The following RANBP2 variants were observed in gnomAD, a reference collection of about 807,000 sequenced individuals.
The protein encoded by RANBP2 is E3 SUMO-protein ligase RanBP2.
In RANBP2, 57 loss-of-function variants were observed where a neutral mutation model predicts 303.6. The observed-to-expected ratio is 0.19, with a 90% CI of 0.15 to 0.23. The LOEUF (loss-of-function observed/expected upper bound fraction) is 0.23. Among genes scored for constraint, RANBP2 ranks in the 10% least tolerant of loss-of-function variants. The pLI is 1.00. For synonymous variants in RANBP2, 1,167 were observed against 1,301.5 expected, an observed-to-expected ratio of 0.90 and a Z score of 2.23; for missense variants, 3,138 against 3,780.8, an observed-to-expected ratio of 0.83 and a Z score of 4.46.
At chr2:108,974,746 T>A in the RANBP2 span, among the ~76,000 whole-genome samples, 2 of 151,920 alleles carry the variant, frequency 1.3e-5, no homozygotes, top group Non-Finnish European at 2.9e-5. Context: ...AAAAAGATAC[T>A]ATTCCCATTT....
the RANBP2 span, among the ~76,000 whole-genome samples, chr2:108,935,329 T>C: frequency 2.8e-4 from 43 of 152,112 alleles, no homozygotes; most frequent in Non-Finnish European, 1.5e-5. Flanking sequence ...TTGCTCAAAG[T>C]GGGGCCCCTG....
chr2:109,270,477 G>T, the RANBP2 span, among the ~76,000 whole-genome samples: 3 of 152,182 alleles, frequency 2.0e-5, no homozygotes, highest in African/African-American at 7.2e-5. Context: ...CCTGAGCTGG[G>T]GCTCTGAGCC....
the RANBP2 span, chr2:109,585,462 TC>T: frequency 1.4e-6 from 1 of 717,794 alleles, no homozygotes; most frequent in Non-Finnish European, 2.3e-6. Flanking sequence ...CTACGGCTGG[TC>T]CCCCAAGTCA....
intron 25 of RANBP2, among the ~76,000 whole-genome samples, chr2:108,777,507 G>A (rs1051883628): frequency 6.6e-6 from 1 of 152,062 alleles, no homozygotes; most frequent in African/African-American, 2.4e-5. Context: ...CTCTGACTTT[G>A]ATCCTTACTC....
chr2:109,155,960 G>C, the RANBP2 span, among the ~76,000 whole-genome samples: 1 of 152,194 alleles, frequency 6.6e-6, no homozygotes, highest in Non-Finnish European at 1.5e-5. Context: ...GGATCATTCT[G>C]CATGCTGTCA....
At chr2:109,349,451 GC>G in the RANBP2 span, among the ~76,000 whole-genome samples, 1 of 152,148 alleles carries the variant, frequency 6.6e-6, no homozygotes, top group Non-Finnish European at 1.5e-5. Context: ...GCTTCCTGGG[GC>G]TATTTTTAGG....
intron 13 of RANBP2, 99 bp from the exon 14 acceptor site, chr2:108,753,327 A>G (rs1190226684): frequency 5.7e-5 from 92 of 1,602,120 alleles, no homozygotes; most frequent in Admixed American, 8.6e-5. Flanking sequence ...GAATAATGAG[A>G]TGTTTGTCTC....
At chr2:108,876,511 A>G in the RANBP2 span, 6 of 245,530 alleles carry the variant, frequency 2.4e-5, no homozygotes, top group Non-Finnish European at 3.8e-5. Flanking sequence ...TTTTGTAAAA[A>G]TATATTAGGA....
At chr2:109,130,117 A>G in the RANBP2 span, 2 of 1,301,754 alleles carry the variant, frequency 1.5e-6, no homozygotes, top group African/African-American at 1.5e-5. Context: ...GGCAAAGGTG[A>G]GTATCTGTCT....
chr2:108,831,708 C>A, the RANBP2 span, among the ~76,000 whole-genome samples: 2 of 145,728 alleles, frequency 1.4e-5, no homozygotes, highest in African/African-American at 2.5e-5. Context: ...AATCTTCCTT[C>A]CTTCCTTCCT....
chr2:109,290,128 A>G, the RANBP2 span, among the ~76,000 whole-genome samples: 2,243 of 152,270 alleles, frequency 0.015, 43 homozygotes, highest in African/African-American at 0.052. Flanking sequence ...ATTACCACAG[A>G]TATAGATGAC....
the RANBP2 span, among the ~76,000 whole-genome samples, chr2:109,593,792 C>T: frequency 6.6e-6 from 1 of 152,096 alleles, no homozygotes; most frequent in Admixed American, 6.6e-5. Context: ...ATACAAATGT[C>T]AAGAATGCTA....
chr2:108,746,478 C>A (rs1290349956), intron 7 of RANBP2, among the ~76,000 whole-genome samples: 3 of 147,712 alleles, frequency 2.0e-5, no homozygotes, highest in Non-Finnish European at 3.0e-5. Context: ...CCACCTTGGC[C>A]TCCCAGAGTG....
chr2:109,084,914 CT>C, the RANBP2 span, among the ~76,000 whole-genome samples: 1 of 152,240 alleles, frequency 6.6e-6, no homozygotes, highest in Non-Finnish European at 1.5e-5. Flanking sequence ...GAATTTATCT[CT>C]GCAGGCCTTG....
chr2:109,446,242 C>T, the RANBP2 span, among the ~76,000 whole-genome samples: 1 of 152,168 alleles, frequency 6.6e-6, no homozygotes, highest in African/African-American at 2.4e-5. Context: ...TGGTTCCATT[C>T]TGTGAAATCG....
the RANBP2 span, among the ~76,000 whole-genome samples, chr2:109,696,202 A>G: frequency 1.3e-5 from 2 of 152,122 alleles, no homozygotes; most frequent in East Asian, 3.9e-4. Context: ...TGACCTCGTG[A>G]TCTGCCTGCC....
At chr2:109,467,890 C>T in the RANBP2 span, among the ~76,000 whole-genome samples, 1 of 151,838 alleles carries the variant, frequency 6.6e-6, no homozygotes, top group Non-Finnish European at 1.5e-5. Flanking sequence ...ACCTCAGATG[C>T]CTGTAGCCAG....
the RANBP2 span, among the ~76,000 whole-genome samples, chr2:109,440,248 C>A: frequency 3.3e-5 from 5 of 152,166 alleles, no homozygotes; most frequent in African/African-American, 1.2e-4. Context: ...TAGAGCTCAG[C>A]ATGCAGCAGT....
chr2:108,818,589 C>T, the RANBP2 span, among the ~76,000 whole-genome samples: 2 of 152,008 alleles, frequency 1.3e-5, no homozygotes, highest in South Asian at 4.1e-4. Flanking sequence ...TAAGTAGTAC[C>T]AGATTAACTA....
Sources: allele counts gnomAD v4.1 joint callset (sites outside exome capture counted in the v4.1 genomes callset), GRCh38; gene constraint gnomAD v4.1.1; transcripts MANE v1.5; gene names NCBI Gene and HGNC (gene_info 2026-07-23, HGNC 2026-07-21).